Variants in CEPT1 observed in about 807,000 individuals in gnomAD.
CEPT1 encodes the protein choline/ethanolamine phosphotransferase 1.
A neutral mutation model predicts 42.6 loss-of-function variants in CEPT1; 7 were observed. The ratio of observed to expected loss-of-function variants is 0.16; its 90% confidence interval spans 0.09 to 0.31. The LOEUF (loss-of-function observed/expected upper bound fraction) is 0.31. Among genes scored for constraint, CEPT1 ranks in the 10% least tolerant of loss-of-function variants. The pLI is 1.00. For missense variants in CEPT1, 306 were observed against 502.1 expected, an observed-to-expected ratio of 0.61 and a Z score of 3.73; for synonymous variants, 171 against 171.9, an observed-to-expected ratio of 0.99 and a Z score of 0.04.
chr1:111,168,371 G>A (rs1252055197), intron 4 of CEPT1, among the ~76,000 whole-genome samples: 3 of 151,454 alleles, frequency 2.0e-5, no homozygotes, highest in Non-Finnish European at 4.4e-5. Context: ...ATCAATGCAA[G>A]GGTTTATTAA....
intron 4 of CEPT1, chr1:111,167,110 G>A (rs938467040): frequency 3.7e-5 from 36 of 984,916 alleles, no homozygotes; most frequent in Admixed American, 1.2e-4. Flanking sequence ...GCATAGATTC[G>A]ATGTTACAGA....
chr1:111,156,781 G>C (rs920780760), intron 2 of CEPT1, among the ~76,000 whole-genome samples: 1 of 152,064 alleles, frequency 6.6e-6, no homozygotes, highest in Non-Finnish European at 1.5e-5. Context: ...TCTTGTACTA[G>C]CATGTATATA....
chr1:111,178,684 T>G (rs1277847042), intron 5 of CEPT1: 1 of 152,176 alleles, frequency 6.6e-6, no homozygotes, highest in African/African-American at 2.4e-5. Flanking sequence ...AACTCATGGT[T>G]ACTTTTACTG....
chr1:111,167,348 T>C, intron 4 of CEPT1: 1 of 955,748 alleles, frequency 1.0e-6, no homozygotes, highest in Non-Finnish European at 1.2e-6. Context: ...TTTTAATATA[T>C]TAGGGCAATA....
chr1:111,144,798 C>A (rs1432312312), intron 1 of CEPT1, among the ~76,000 whole-genome samples: 6 of 152,160 alleles, frequency 3.9e-5, no homozygotes, highest in Admixed American at 6.5e-5. Context: ...GAAAATATAT[C>A]ATTGCTCGAC....
At chr1:111,173,740 A>G (rs1040671360) in intron 4 of CEPT1, among the ~76,000 whole-genome samples, 1 of 152,170 alleles carries the variant, frequency 6.6e-6, no homozygotes, top group African/African-American at 2.4e-5. Flanking sequence ...GAAATTTGTT[A>G]TGCAATTACT....
intron 2 of CEPT1, among the ~76,000 whole-genome samples, chr1:111,158,070 G>A (rs1228370496): frequency 1.3e-5 from 2 of 152,150 alleles, no homozygotes; most frequent in African/African-American, 4.8e-5. Flanking sequence ...GGCTGGGTGC[G>A]TTGGCTCACG....
At chr1:111,155,179 T>C (rs986751167) in intron 2 of CEPT1, among the ~76,000 whole-genome samples, 1 of 152,144 alleles carries the variant, frequency 6.6e-6, no homozygotes, top group Non-Finnish European at 1.5e-5. Context: ...TCTGTTAAGG[T>C]TTTCTATTTC....
intron 4 of CEPT1, among the ~76,000 whole-genome samples, chr1:111,165,875 T>A (rs1281329454): frequency 6.6e-6 from 1 of 152,210 alleles, no homozygotes; most frequent in African/African-American, 2.4e-5. Flanking sequence ...ACAAATTTAG[T>A]TCATCTTTTT....
At position 111,147,986 on chromosome 1, in the gene CEPT1, T is replaced by C. The variant is rs756503122; in HGVS notation, c.272T>C (p.Ile91Thr). 20 of 1,614,064 alleles carry C rather than the reference T, an allele frequency of 1.2e-5. No homozygotes were observed. Among genetic ancestry groups the C allele is most frequent in the South Asian group, 3.3e-5 (3 of 91,088 alleles). The change falls in exon 2 of 9, where the codon ATT becomes ACT. Residue 91 changes from isoleucine to threonine, a missense_variant. Ile to Thr is a moderately conservative substitution (Grantham distance 89). Coordinates refer to ENST00000357172, the MANE Select transcript of CEPT1 (RefSeq NM_006090.5). ...SWIAPNLITI[I>T]GLSINICTTI... is the part of the protein sequence containing the mutation. ...ATTGCCCCAAATCTCATCACCATCATTGGACTGTCAATAAACATCTGTACA... is the reference window on the plus strand; with the variant it reads ...ATTGCCCCAAATCTCATCACCATCACTGGACTGTCAATAAACATCTGTACA...
At chr1:111,148,853 G>T (rs1655115131) in intron 2 of CEPT1, among the ~76,000 whole-genome samples, 1 of 152,164 alleles carries the variant, frequency 6.6e-6, no homozygotes, top group African/African-American at 2.4e-5. Flanking sequence ...CATTTGTTCT[G>T]CCTAAATAAG....
At chr1:111,167,371 A>G (rs1295074114) in intron 4 of CEPT1, 13 of 944,542 alleles carry the variant, frequency 1.4e-5, no homozygotes, top group South Asian at 9.8e-5. Context: ...AATCCACCCT[A>G]TTAAATAAAA....
rs1657148029 is a variant in CEPT1 at position 111,184,303 on chromosome 1, A to G, written c.1244A>G (p.His415Arg). 1.2e-6 allele frequency: 2 copies of G among 1,610,826 alleles called. No individual in the cohort carries two copies. The highest frequency in any genetic ancestry group is 1.7e-6 in the Non-Finnish European group (2 of 1,178,004). ...AAGGTCTCTACAGCTCATTCTAATCATCATTAATGATGTAATTGGTATATA... is the reference window on the plus strand; with the variant it reads ...AAGGTCTCTACAGCTCATTCTAATCGTCATTAATGATGTAATTGGTATATA... ...RIKVSTAHSN[H>R]H is the part of the protein sequence containing the mutation. The change falls in exon 9 of 9, where the codon CAT (histidine) becomes CGT (arginine). Residue 415 changes from histidine to arginine, a missense_variant. His to Arg is a conservative substitution (Grantham distance 29). Around this residue, in one of 2 missense-constraint regions of CEPT1, gnomAD observed 253 missense variants for 447.3 expected, o/e 0.57. Transcript: ENST00000357172.
At chr1:111,142,184 A>G (rs899604714) in intron 1 of CEPT1, among the ~76,000 whole-genome samples, 1 of 152,194 alleles carries the variant, frequency 6.6e-6, no homozygotes, top group Non-Finnish European at 1.5e-5. Flanking sequence ...CTTTTTTAGT[A>G]AAGGTATTAA....
At chr1:111,149,336 C>T (rs890617445) in intron 2 of CEPT1, among the ~76,000 whole-genome samples, 1 of 148,568 alleles carries the variant, frequency 6.7e-6, no homozygotes, top group Non-Finnish European at 1.5e-5. Flanking sequence ...TGTCTTGGCT[C>T]ACTGCAATTT....
At chr1:111,142,474 T>C (rs1227788676) in intron 1 of CEPT1, among the ~76,000 whole-genome samples, 1 of 152,180 alleles carries the variant, frequency 6.6e-6, no homozygotes, top group African/African-American at 2.4e-5. Flanking sequence ...ACGAATAATA[T>C]TTGTTAATTG....
At chr1:111,165,152 C>A (rs1235250285) in intron 4 of CEPT1, among the ~76,000 whole-genome samples, 2 of 146,852 alleles carry the variant, frequency 1.4e-5, no homozygotes, top group Non-Finnish European at 3.0e-5. Context: ...TGGGTTCATG[C>A]CATTCTCCTG....
intron 1 of CEPT1, among the ~76,000 whole-genome samples, chr1:111,141,128 G>T (rs1356819823): frequency 6.6e-6 from 1 of 152,172 alleles, no homozygotes; most frequent in Non-Finnish European, 1.5e-5. Flanking sequence ...TTCAACAAAT[G>T]TTAGTGTCTC....
chr1:111,150,874 A>G (rs568960171), intron 2 of CEPT1, among the ~76,000 whole-genome samples: 101 of 152,326 alleles, frequency 6.6e-4, no homozygotes, highest in Non-Finnish European at 1.1e-3. Flanking sequence ...ATTACTCAGT[A>G]TTTAAACTTC....
Sources: gnomAD v4.1 joint callset for allele counts (sites outside exome capture counted in the v4.1 genomes callset) on GRCh38, gnomAD v4.1.1 for gene constraint, gnomAD v4.1.1 regional missense constraint, MANE v1.5 for transcripts, NCBI Gene and HGNC (gene_info 2026-07-23, HGNC 2026-07-21) for gene names.